Variants in CCDC30 observed in about 807,000 individuals in gnomAD.
The protein encoded by CCDC30 is coiled-coil domain containing 30.
Under a neutral mutation model 100.2 loss-of-function variants are expected in CCDC30, and 70 were observed. That is an observed-to-expected ratio of 0.70 (90% confidence interval 0.58 to 0.85). CCDC30 has a LOEUF of 0.85. Among genes scored for constraint, CCDC30 ranks in the 40% least tolerant of loss-of-function variants. The probability of loss-of-function intolerance (pLI) is 0.00; values close to 1 mark genes in which losing one functional copy is unlikely to be tolerated. For synonymous variants in CCDC30, 233 were observed against 269.5 expected (o/e 0.86, Z 1.33); for missense variants, 652 against 771.2 (o/e 0.85, Z 1.83).
chr1:42,463,867 C>T (rs1643483829), exon 1 of CCDC30: 1 of 152,140 alleles, frequency 6.6e-6, no homozygotes, highest in Non-Finnish European at 1.5e-5. Context: ...GATTTGGAGG[C>T]CTTTTGTATC....
downstream of CCDC30, among the ~76,000 whole-genome samples, chr1:42,656,587 C>G (rs1257212338): frequency 6.6e-6 from 1 of 152,144 alleles, no homozygotes; most frequent in African/African-American, 2.4e-5. Flanking sequence ...GCTGAGACCA[C>G]TCCACTGTAC....
intron 14 of CCDC30, 111 bp downstream of exon 18, chr1:42,644,918 C>A: frequency 1.4e-6 from 1 of 693,254 alleles, no homozygotes; most frequent in Non-Finnish European, 2.5e-6. Context: ...GGGCTCTTGG[C>A]CTCATGGTAG....
chr1:42,591,040 C>T (rs1207223300), intron 10 of CCDC30: 1 of 152,128 alleles, frequency 6.6e-6, no homozygotes, highest in African/African-American at 2.4e-5. Flanking sequence ...CTTGTAACAA[C>T]CTGTGATCAG....
chr1:42,481,736 G>A (rs577813429), intron 2 of CCDC30, among the ~76,000 whole-genome samples: 3 of 152,142 alleles, frequency 2.0e-5, no homozygotes, highest in African/African-American at 7.2e-5. Context: ...TTGATCTAGG[G>A]AAATGTTATT....
intron 7 of CCDC30, 111 bp downstream of exon 11, chr1:42,566,586 CAA>C: frequency 1.2e-6 from 1 of 827,012 alleles, no homozygotes; most frequent in Non-Finnish European, 1.9e-6. Context: ...AATATGTGGA[CAA>C]TGTGAGCTAT....
At chr1:42,477,837 A>G (rs1380762671) in intron 1 of CCDC30, among the ~76,000 whole-genome samples, 1 of 152,198 alleles carries the variant, frequency 6.6e-6, no homozygotes, top group African/African-American at 2.4e-5. Flanking sequence ...GTGACCAGAA[A>G]AGGCTTCCAA....
chr1:42,532,270 C>T (rs1644817673), intron 6 of CCDC30, among the ~76,000 whole-genome samples: 1 of 152,142 alleles, frequency 6.6e-6, no homozygotes, highest in African/African-American at 2.4e-5. Flanking sequence ...TCTGGGAACT[C>T]TGTAAAGGGC....
intron 6 of CCDC30, among the ~76,000 whole-genome samples, chr1:42,545,161 TTAAA>T (rs1207703716): frequency 0.01 from 670 of 64,908 alleles, 9 homozygotes; most frequent in Middle Eastern, 0.028. Flanking sequence ...AAAAATACCT[TTAAA>T]AAAAAAAAAA....
intron 6 of CCDC30, among the ~76,000 whole-genome samples, chr1:42,517,504 T>C (rs1414534042): frequency 2.0e-5 from 3 of 152,246 alleles, no homozygotes; most frequent in Non-Finnish European, 4.4e-5. Flanking sequence ...TCCATAGTCA[T>C]GGAGAGTTCC....
At chr1:42,552,244 G>A (rs527784280) in intron 6 of CCDC30, among the ~76,000 whole-genome samples, 2 of 152,054 alleles carry the variant, frequency 1.3e-5, no homozygotes, top group African/African-American at 4.8e-5. Flanking sequence ...ATGTAAAATG[G>A]CATTAGCCCA....
chr1:42,572,035 T>G (rs971143513), intron 7 of CCDC30, among the ~76,000 whole-genome samples: 5 of 152,338 alleles, frequency 3.3e-5, no homozygotes, highest in African/African-American at 1.2e-4. Flanking sequence ...TATCCTGATG[T>G]CCATAAGTAC....
intron 1 of CCDC30, among the ~76,000 whole-genome samples, chr1:42,464,706 C>T (rs981763837): frequency 3.3e-5 from 5 of 152,246 alleles, no homozygotes; most frequent in African/African-American, 1.2e-4. Flanking sequence ...ATTTGTCTTA[C>T]AATACGCATT....
At chr1:42,526,948 A>G (rs1644732201) in intron 6 of CCDC30, among the ~76,000 whole-genome samples, 1 of 152,092 alleles carries the variant, frequency 6.6e-6, no homozygotes, top group Non-Finnish European at 1.5e-5. Context: ...ATGATTACTT[A>G]TTATCTGGGT....
At chr1:42,520,566 G>T (rs777738332) in intron 6 of CCDC30, among the ~76,000 whole-genome samples, 1 of 149,400 alleles carries the variant, frequency 6.7e-6, no homozygotes, top group Non-Finnish European at 1.5e-5. Context: ...TCCTGACCTC[G>T]TGATCTGCCC....
chr1:42,555,880 G>A (rs1645357826), intron 6 of CCDC30, among the ~76,000 whole-genome samples: 1 of 152,018 alleles, frequency 6.6e-6, no homozygotes, highest in Admixed American at 6.6e-5. Context: ...AGTAGAGACG[G>A]GGTTTCACCA....
rs1445535579 is a variant in CCDC30 at position 42,596,680 on chromosome 1, A to G, written c.1164+7197A>G. Among the ~76,000 whole-genome samples, 6 of 152,032 alleles carry G rather than the reference A, an allele frequency of 3.9e-5. No individual in the cohort carries two copies. Among genetic ancestry groups the G allele is most frequent in the Non-Finnish European group, 8.8e-5 (6 of 68,022 alleles). On this transcript the variant is annotated intron_variant, in intron 10 of 16. Coordinates refer to ENST00000668663, the Ensembl canonical transcript of CCDC30. This position sits in a 1 kb window ranked among gnomAD's most constrained non-coding sequence, Gnocchi z 4.3. ...GGCCCATTTAACAGCAGTTTCCTCTACTCACTGCATCATGTTTCGCTATCA... is the reference window on the plus strand; with the variant it reads ...GGCCCATTTAACAGCAGTTTCCTCTGCTCACTGCATCATGTTTCGCTATCA...
chr1:42,572,508 T>A (rs576610823), intron 7 of CCDC30, among the ~76,000 whole-genome samples: 2 of 152,346 alleles, frequency 1.3e-5, no homozygotes, highest in East Asian at 3.9e-4. Flanking sequence ...TTAATTTTAA[T>A]ATTCATTATT....
intron 7 of CCDC30, 122 bp downstream of exon 11, chr1:42,566,597 A>G (rs1645611868): frequency 2.7e-6 from 2 of 741,124 alleles, no homozygotes; most frequent in Non-Finnish European, 4.3e-6. Flanking sequence ...AATGTGAGCT[A>G]TCTGGTAACT....
intron 6 of CCDC30, among the ~76,000 whole-genome samples, chr1:42,510,415 T>C (rs752599083): frequency 5.3e-5 from 8 of 152,060 alleles, no homozygotes; most frequent in Non-Finnish European, 8.8e-5. Context: ...TCCCAGCACT[T>C]TGGGGGGCCA....
Sources: gnomAD v4.1 joint callset for allele counts (sites outside exome capture counted in the v4.1 genomes callset) on GRCh38, gnomAD v4.1.1 for gene constraint, Gnocchi (gnomAD v3.1) non-coding constraint, MANE v1.5 for transcripts, NCBI Gene and HGNC (gene_info 2026-07-23, HGNC 2026-07-21) for gene names.